GRIN3A: variants seen among roughly 807,000 people sequenced by gnomAD.
GRIN3A encodes the protein glutamate ionotropic receptor NMDA type subunit 3A.
A neutral mutation model predicts 92.4 loss-of-function variants in GRIN3A; 47 were observed. The observed-to-expected ratio is 0.51, with a 90% CI of 0.40 to 0.65. GRIN3A has a LOEUF of 0.65. Ranked by LOEUF, GRIN3A falls within the 30% of genes least tolerant of loss-of-function variation. The probability of loss-of-function intolerance (pLI) is 0.00; values close to 1 mark genes in which losing one functional copy is unlikely to be tolerated. For missense variants in GRIN3A, 1,324 were observed against 1,393.1 expected (o/e 0.95, Z 0.79); for synonymous variants, 527 against 540.6 (o/e 0.97, Z 0.35).
chr9:101,638,937 A>G (rs555794567), intron 3 of GRIN3A, among the ~76,000 whole-genome samples: 29 of 152,340 alleles, frequency 1.9e-4, no homozygotes, highest in African/African-American at 6.7e-4. Flanking sequence ...CTAGCCCATA[A>G]CAATCTGTTA....
Position 101,579,439 on chromosome 9 carries a change from G to A in GRIN3A, c.2767-79C>T, listed in dbSNP as rs1227000101. On this transcript the variant is annotated intron_variant, in intron 6 of 8. Coordinates refer to ENST00000361820, the MANE Select transcript of GRIN3A (RefSeq NM_133445.3). The stretch of plus-strand genomic sequence containing the variant: ...ATGCTTGTGTACTCTTTGGTTTTCA[G>A]ATGGATATTCATTTTTTCTGGACTC... 4.2e-6 allele frequency: 6 copies of A among 1,414,438 alleles called. No individual in the cohort carries two copies. In the Admixed American group the frequency reaches 8.8e-5, roughly 21 times the overall value. 87.6% of individuals were successfully genotyped at this position (1,414,438 alleles called of 1,614,324 possible).
At chr9:101,710,789 G>A (rs956531358) in intron 1 of GRIN3A, among the ~76,000 whole-genome samples, 6 of 152,118 alleles carry the variant, frequency 3.9e-5, no homozygotes, top group African/African-American at 1.4e-4. Flanking sequence ...AAAGCAGATG[G>A]CTAAAGCAAA....
intron 5 of GRIN3A, among the ~76,000 whole-genome samples, chr9:101,614,150 C>T (rs1170191690): frequency 6.6e-6 from 1 of 152,058 alleles, no homozygotes; most frequent in Admixed American, 6.6e-5. Context: ...TTATATATTG[C>T]TTGCTGTAAT....
chr9:101,733,350 T>C (rs1380281174), intron 1 of GRIN3A, among the ~76,000 whole-genome samples: 2 of 152,308 alleles, frequency 1.3e-5, no homozygotes, highest in East Asian at 3.9e-4. Context: ...AATAACTAAA[T>C]TAAAAAATAC....
rs1288456983 is a variant in GRIN3A at position 101,572,850 on chromosome 9, G to C, written c.*324C>G. On this transcript the variant is annotated 3_prime_UTR_variant, in exon 9 of 9. Transcript: ENST00000361820. ...CTCTTGTTGGTAGTGCAGAGAAAGG[G>C]CTAAAAACCAGAAATATTACTGTGG... 1 of 346,724 alleles carries C rather than the reference G, an allele frequency of 2.9e-6. No individual in the cohort carries two copies. The highest frequency in any genetic ancestry group is 5.5e-6 in the Non-Finnish European group (1 of 181,032). 21.5% of individuals were successfully genotyped at this position (346,724 alleles called of 1,614,324 possible).
chr9:101,717,856 G>T (rs945194867), intron 1 of GRIN3A, among the ~76,000 whole-genome samples: 1 of 152,188 alleles, frequency 6.6e-6, no homozygotes. Context: ...GAGAATGAAG[G>T]AAGTAGGAAA....
intron 3 of GRIN3A, among the ~76,000 whole-genome samples, chr9:101,640,710 G>A (rs985380580): frequency 2.6e-5 from 4 of 152,106 alleles, no homozygotes; most frequent in African/African-American, 9.7e-5. Context: ...TTCACTTGCT[G>A]TTCTTGTGAT....
At chr9:101,627,578 T>A (rs986450990) in intron 4 of GRIN3A, among the ~76,000 whole-genome samples, 1 of 152,160 alleles carries the variant, frequency 6.6e-6, no homozygotes, top group African/African-American at 2.4e-5. Context: ...CTCACCCTCA[T>A]GTCTTCCTGT....
Position 101,738,297 on chromosome 9 carries a change from G to T in GRIN3A, c.-318C>A. 2.5e-6 allele frequency: 1 copy of T among 398,188 alleles called. No homozygotes were observed. Among genetic ancestry groups the T allele is most frequent in the Non-Finnish European group, 4.6e-6 (1 of 219,406 alleles). The allele number at this position is 398,188 out of a possible 1,614,324, so 24.7% of individuals were successfully genotyped here. On this transcript the variant is annotated 5_prime_UTR_variant, in exon 1 of 9. Coordinates refer to ENST00000361820, the MANE Select transcript of GRIN3A (RefSeq NM_133445.3). ...GTTCCCTGCCCGCCCCATCTGCAGG[G>T]CGCCTCGGGCACTGCGTCCGGCCCC...
chr9:101,681,638 C>T (rs980647978), intron 2 of GRIN3A, among the ~76,000 whole-genome samples: 12 of 152,306 alleles, frequency 7.9e-5, no homozygotes, highest in African/African-American at 1.7e-4. Context: ...TCCCTCATCA[C>T]CAAATATCTG....
At chr9:101,673,877 C>T (rs1273578994) in intron 2 of GRIN3A, among the ~76,000 whole-genome samples, 1 of 151,988 alleles carries the variant, frequency 6.6e-6, no homozygotes, top group Non-Finnish European at 1.5e-5. Context: ...AGTGAGCAGG[C>T]AATTCAGACC....
At chr9:101,626,176 T>G (rs553472131) in intron 4 of GRIN3A, among the ~76,000 whole-genome samples, 54 of 152,324 alleles carry the variant, frequency 3.5e-4, no homozygotes, top group African/African-American at 1.2e-3. Context: ...TATTATAGAA[T>G]CATGCCCTGT....
chr9:101,659,368 T>C (rs1829138984), intron 3 of GRIN3A, among the ~76,000 whole-genome samples: 1 of 146,290 alleles, frequency 6.8e-6, no homozygotes, highest in African/African-American at 2.5e-5. Flanking sequence ...TGTATCTATG[T>C]ATTTATTTAT....
Position 101,737,323 on chromosome 9 carries a change from T to C in GRIN3A, c.657A>G (p.Pro219=), listed in dbSNP as rs1162591810. Residue 219 remains proline, a synonymous_variant, in exon 1 of 9, where the codon CCA becomes CCG. Transcript: ENST00000361820. The part of the protein sequence containing the change: ...LDLVSLVLHI[P]VISIVRHEFP... ...ACTCGTGGCGCACGATGCTGATCAC[T>C]GGAATGTGCAGGACTAAGCTGACCA... 1 of 1,614,168 alleles carries C rather than the reference T, an allele frequency of 6.2e-7. No individual in the cohort carries two copies. The highest frequency in any genetic ancestry group is 1.1e-5 in the South Asian group (1 of 91,078).
chr9:101,594,929 A>C, intron 6 of GRIN3A: 1 of 1,596,792 alleles, frequency 6.3e-7, no homozygotes, highest in South Asian at 1.1e-5. Context: ...CATTGTGGAC[A>C]TCTGGCAACG....
intron 6 of GRIN3A, among the ~76,000 whole-genome samples, chr9:101,586,700 T>C (rs1827955077): frequency 6.6e-6 from 1 of 152,200 alleles, no homozygotes; most frequent in Non-Finnish European, 1.5e-5. Context: ...TTAGGATCCT[T>C]TCTTTGGGGA....
chr9:101,703,838 C>T (rs1462041756), intron 1 of GRIN3A, among the ~76,000 whole-genome samples: 1 of 152,086 alleles, frequency 6.6e-6, no homozygotes, highest in Non-Finnish European at 1.5e-5. Context: ...CTGTAGAAAT[C>T]TGTCTTTTTG....
intron 5 of GRIN3A, among the ~76,000 whole-genome samples, chr9:101,622,986 C>T (rs1464290878): frequency 9.8e-6 from 1 of 102,508 alleles, no homozygotes; most frequent in East Asian, 2.8e-4. Flanking sequence ...TAGCAACACC[C>T]TGCCACTAAA....
At chr9:101,649,467 G>A (rs1228371110) in intron 3 of GRIN3A, among the ~76,000 whole-genome samples, 2 of 151,982 alleles carry the variant, frequency 1.3e-5, no homozygotes, top group Non-Finnish European at 2.9e-5. Flanking sequence ...GCAAGAGTGG[G>A]CTTTTCATGA....
Sources: gnomAD v4.1 joint callset for allele counts (sites outside exome capture counted in the v4.1 genomes callset) on GRCh38, gnomAD v4.1.1 for gene constraint, MANE v1.5 for transcripts, NCBI Gene and HGNC (gene_info 2026-07-23, HGNC 2026-07-21) for gene names.